IAH1: variants seen among roughly 807,000 people sequenced by gnomAD.
IAH1 encodes isoamyl acetate hydrolyzing esterase 1 (putative).
Under a neutral mutation model 26.7 loss-of-function variants are expected in IAH1, and 24 were observed. That is an observed-to-expected ratio of 0.90 (90% CI 0.65 to 1.26). The LOEUF is 1.26. Among genes scored for constraint, IAH1 ranks in the 50% most tolerant of loss-of-function variants. IAH1 has a pLI of 0.00. For missense variants in IAH1, 300 were observed against 299.9 expected (o/e 1.00, Z 0.00); for synonymous variants, 140 against 118.5 (o/e 1.18, Z -1.18).
chr2:9,490,161 A>C, downstream of IAH1: 5 of 1,575,540 alleles, frequency 3.2e-6, no homozygotes, highest in Non-Finnish European at 4.3e-6. Flanking sequence ...TTAAGTCAGA[A>C]GAGCTGAGAA....
chr2:9,487,860 G>C lies in IAH1; in HGVS notation c.565-287G>C, dbSNP rs71437666. 5.8e-4 allele frequency among the ~76,000 whole-genome samples: 88 copies of C among 151,456 alleles called. 2 individuals are homozygous for C. Among genetic ancestry groups the C allele is most frequent in the African/African-American group, 1.9e-3 (78 of 41,254 alleles). On this transcript the variant is annotated intron_variant, in intron 5 of 5. Transcript: ENST00000497473. ...CGCGCGCGCGCGCGCGCTGTGGGGG[G>C]AGACAGTCTATCACCCAGGCTGGAA...
At chr2:9,498,777 T>C (rs1224249333), downstream of IAH1, among the ~76,000 whole-genome samples, 1 of 152,260 alleles carries the variant, frequency 6.6e-6, no homozygotes, top group African/African-American at 2.4e-5. Flanking sequence ...GGATCATTAT[T>C]GTATTTTTGG....
the IAH1 span, chr2:9,510,243 A>AAT: frequency 8.5e-6 from 10 of 1,169,946 alleles, no homozygotes; most frequent in African/African-American, 1.5e-4. Context: ...TCAACAAGAG[A>AAT]ATAAGAACTG....
intron 5 of IAH1, chr2:9,486,728 C>A (rs1460154269): frequency 1.3e-5 from 2 of 151,818 alleles, no homozygotes; most frequent in African/African-American, 4.8e-5. Context: ...ACTTGGGAGG[C>A]TGAGGCAGGA....
downstream of IAH1, chr2:9,491,184 CAAAT>C: frequency 6.3e-6 from 10 of 1,591,880 alleles, no homozygotes; most frequent in African/African-American, 1.1e-4. Context: ...TCATTCCCTA[CAAAT>C]ACAATTCAGT....
At chr2:9,481,529 T>C in intron 4 of IAH1, 82 bp downstream of exon 4, 11 of 1,378,434 alleles carry the variant, frequency 8.0e-6, no homozygotes, top group Non-Finnish European at 1.1e-5. Context: ...GTTTCCTGCC[T>C]GGGGCTTCTG....
intron 1 of IAH1, chr2:9,475,188 C>A: frequency 3.1e-6 from 4 of 1,289,470 alleles, no homozygotes; most frequent in Non-Finnish European, 4.0e-6. Flanking sequence ...CATCTCACCT[C>A]CCATGAAGGG....
chr2:9,480,414 C>T (rs1661100519), intron 3 of IAH1, among the ~76,000 whole-genome samples: 2 of 152,066 alleles, frequency 1.3e-5, no homozygotes, highest in South Asian at 4.1e-4. Flanking sequence ...GTGGGAGGGT[C>T]GCTTGGCCCC....
At chr2:9,484,094 T>C (rs1661341157) in intron 4 of IAH1, among the ~76,000 whole-genome samples, 1 of 152,186 alleles carries the variant, frequency 6.6e-6, no homozygotes, top group Non-Finnish European at 1.5e-5. Flanking sequence ...GCCCAGCTCC[T>C]GCAGCCGGCA....
At chr2:9,486,121 A>G (rs1447031525) in intron 5 of IAH1, 1 of 152,302 alleles carries the variant, frequency 6.6e-6, no homozygotes, top group Admixed American at 6.5e-5. Context: ...TGACCTACAC[A>G]TTTATTATCC....
chr2:9,477,678 T>TC lies in IAH1; in HGVS notation c.135-539dup, dbSNP rs1553351219. Among the ~76,000 whole-genome samples, 60 of 150,314 alleles carry TC rather than the reference T, an allele frequency of 4.0e-4. 1 individual carries two copies. The South Asian group carries it at 4.6e-3, about 12-fold the overall frequency. The stretch of plus-strand genomic sequence containing the variant: ...AGGCAACCCGGCTTTTTTTTTTTTT[T>TC]CCCCCATTACACCTACAGTACTGTG... On this transcript the variant is annotated intron_variant, in intron 2 of 5. Transcript: ENST00000497473.
At chr2:9,474,308 G>C (rs1414090066), upstream of IAH1, among the ~76,000 whole-genome samples, 2 of 152,206 alleles carry the variant, frequency 1.3e-5, no homozygotes, top group African/African-American at 4.8e-5. This position sits in a 1 kb window ranked among gnomAD's most constrained non-coding sequence, Gnocchi z 4.3. Context: ...GGTGGGCTTA[G>C]AAGGGCCCCC....
chr2:9,480,767 T>C (rs1389487190), intron 3 of IAH1: 1 of 152,852 alleles, frequency 6.5e-6, no homozygotes, highest in Non-Finnish European at 1.5e-5. Context: ...GCAATAATAG[T>C]AGTATTCGTG....
downstream of IAH1, chr2:9,491,158 AG>A (rs1662110186): frequency 6.2e-7 from 1 of 1,611,552 alleles, no homozygotes; most frequent in Non-Finnish European, 8.5e-7. Flanking sequence ...TATCCTAGAA[AG>A]AAACAGCAAG....
rs1661764140 is a variant in IAH1, at chr2:9,488,446, T to C, written c.*117T>C. The C allele has an allele frequency of 3.6e-5, 26 of 726,708 alleles. 1 individual carries two copies. The South Asian group carries it at 5.4e-4, about 15-fold the overall frequency. 45.0% of individuals were successfully genotyped at this position (726,708 alleles called of 1,614,324 possible). A position where few individuals can be genotyped will look rare whatever the true frequency, so the allele number is the denominator to read the frequency against. The stretch of plus-strand genomic sequence containing the variant: ...TTGCCACTGATATTAATAATAAAAG[T>C]ATTAGATGATTTTTCAGGGAAGTTT... On this transcript the variant is annotated 3_prime_UTR_variant, in exon 6 of 6. Transcript: ENST00000497473.
chr2:9,482,032 CTTTTTTT>C lies in IAH1; in HGVS notation c.445+595_445+601del, dbSNP rs58813442. ...TGAAAATGTGCATTATGGAAGTTCTCTTTTTTTTTTTTTTTTGGAGATAGAGTCTGGC... is the reference window on the plus strand; with the variant it reads ...TGAAAATGTGCATTATGGAAGTTCTCTTTTTTTTTGGAGATAGAGTCTGGC... On this transcript the variant is annotated intron_variant, in intron 4 of 5. Coordinates refer to ENST00000497473, the MANE Select transcript of IAH1 (RefSeq NM_001039613.3). Among the ~76,000 whole-genome samples the C allele has an allele frequency of 8.2e-4, 110 of 134,642 alleles. 1 individual carries two copies. The highest frequency in any genetic ancestry group is 2.9e-3 in the African/African-American group (104 of 35,714). The allele number at this position is 134,642 out of a possible 152,430, so 88.3% of individuals were successfully genotyped here.
At chr2:9,487,821 TGTGTGTGTGTGTGCGCGCGC>T (rs1368149372) in intron 5 of IAH1, among the ~76,000 whole-genome samples, 121 of 92,316 alleles carry the variant, frequency 1.3e-3, no homozygotes, top group African/African-American at 5.0e-3. Flanking sequence ...TGTGTGTGTG[TGTGTGTGTGTGTGCGCGCGC>T]GCGCGCGCGC....
chr2:9,511,459 A>G, the IAH1 span, among the ~76,000 whole-genome samples: 1 of 152,094 alleles, frequency 6.6e-6, no homozygotes, highest in Non-Finnish European at 1.5e-5. Flanking sequence ...TTAAAAAAAA[A>G]ACAAAAACCA....
chr2:9,507,803 T>C, the IAH1 span, among the ~76,000 whole-genome samples: 1 of 152,140 alleles, frequency 6.6e-6, no homozygotes. Context: ...CACTGCCGCC[T>C]TGAACTCCCC....
Sources: gnomAD v4.1 joint callset for allele counts (sites outside exome capture counted in the v4.1 genomes callset) on GRCh38, gnomAD v4.1.1 for gene constraint, Gnocchi (gnomAD v3.1) non-coding constraint, MANE v1.5 for transcripts, NCBI Gene and HGNC (gene_info 2026-07-23, HGNC 2026-07-21) for gene names.